The following CPLANE1 variants were observed in gnomAD, a reference collection of about 807,000 sequenced individuals.
The protein encoded by CPLANE1 is ciliogenesis and planar polarity effector 1.
A neutral mutation model predicts 362.5 loss-of-function variants in CPLANE1; 263 were observed. The observed-to-expected ratio is 0.73, with a 90% CI of 0.66 to 0.80. The LOEUF (loss-of-function observed/expected upper bound fraction) is 0.80, where lower values mean the gene tolerates loss of function less well. Ranked by LOEUF, CPLANE1 falls within the 30% of genes least tolerant of loss-of-function variation. The pLI, the probability that CPLANE1 is intolerant of heterozygous loss-of-function variation, is 0.00. For synonymous variants in CPLANE1, 1,212 were observed against 1,302.6 expected (o/e 0.93, Z 1.50); for missense variants, 3,461 against 3,793.4 (o/e 0.91, Z 2.30).
At chr5:37,139,405 G>T (rs1213896929) in intron 44 of CPLANE1, 35 bp from the exon 45 acceptor site, 47 of 1,091,056 alleles carry the variant, frequency 4.3e-5, no homozygotes, top group Admixed American at 3.2e-4. Flanking sequence ...AAAATTTTGG[G>T]TTTTTTTTTG....
At position 37,187,512 on chromosome 5, in the gene CPLANE1, C is replaced by A. The variant is rs768480018; in HGVS notation, c.3982G>T (p.Ala1328Ser). ...IEHCLSAVEW[A>S]YRMLPFSRFF... Reference sequence around the variant, plus strand: ...CGAGAGAAAGGCAGCATTCTATAAGCCCATTCCACTGCACTAAGACAGTGC... The same window carrying A: ...CGAGAGAAAGGCAGCATTCTATAAGACCATTCCACTGCACTAAGACAGTGC... Residue 1328 changes from alanine (A) to serine (S), a missense_variant, in exon 23 of 53, where the codon GCT (alanine) becomes TCT (serine). Physicochemically the swap from Ala to Ser is moderately conservative, Grantham distance 99 (BLOSUM62 1). Transcript: ENST00000651892. The A allele has an allele frequency of 2.4e-5, 38 of 1,613,556 alleles. No homozygotes were observed. In the South Asian group the frequency reaches 4.2e-4, roughly 18 times the overall value.
intron 51 of CPLANE1, 74 bp downstream of exon 51, chr5:37,114,886 G>A (rs1443546136): frequency 9.0e-6 from 8 of 885,512 alleles, no homozygotes; most frequent in Non-Finnish European, 1.4e-5. Context: ...GCAACAGAGT[G>A]AGACTCTGTC....
intron 14 of CPLANE1, among the ~76,000 whole-genome samples, chr5:37,222,255 T>C (rs994391694): frequency 1.3e-5 from 2 of 152,198 alleles, no homozygotes; most frequent in Non-Finnish European, 2.9e-5. Flanking sequence ...TTGTATGCAA[T>C]TTCCAGAAAA....
Position 37,227,704 on chromosome 5 carries a change from A to C in CPLANE1, c.1235T>G (p.Leu412Arg), listed in dbSNP as rs1295132257. 1 of 1,551,430 alleles carries C rather than the reference A, an allele frequency of 6.4e-7. No individual in the cohort carries two copies. Among genetic ancestry groups the C allele is most frequent in the Non-Finnish European group, 8.7e-7 (1 of 1,146,902 alleles). ...GACCATATATCCATCAGATATAACG[A>C]GGTAGGGTAACCGTGAGTGTGCTTT... ...SIKAHSRLPY[L>R]VISDGYMVTT... is the part of the protein sequence containing the mutation. The change falls in exon 10 of 53, where the codon CTC (leucine) becomes CGC (arginine). Residue 412 changes from leucine to arginine, a missense_variant. Leu to Arg is a moderately radical substitution (Grantham distance 102). Coordinates refer to ENST00000651892, the MANE Select transcript of CPLANE1 (RefSeq NM_001384732.1).
Position 37,198,799 on chromosome 5 carries a change from T to C in CPLANE1, c.3575A>G (p.Gln1192Arg), listed in dbSNP as rs778057793. The C allele has an allele frequency of 3.7e-6, 6 of 1,614,192 alleles. No individual in the cohort carries two copies. The highest frequency in any genetic ancestry group is 5.1e-6 in the Non-Finnish European group (6 of 1,180,032). Residue 1192 changes from glutamine (Q) to arginine (R), a missense_variant, in exon 20 of 53, where the codon CAG becomes CGG. By Grantham distance (43) the Gln-to-Arg change is conservative (BLOSUM62 1). This residue lies in a region of CPLANE1 where 3,380 missense variants were observed against 3,666.1 expected (regional missense o/e 0.92). Transcript: ENST00000651892. ...CGCCCGGAAAAGCAGGAGAACACGC[T>C]GAAGGATTCCAGATACCTTCTGGCG... is the stretch of plus-strand genomic sequence containing the variant. ...NNRQKVSGIL[Q>R]RVLLLFRAAQ...
intron 32 of CPLANE1, 25 bp from the exon 33 acceptor site, chr5:37,170,356 G>T: frequency 1.3e-6 from 2 of 1,586,080 alleles, no homozygotes; most frequent in South Asian, 2.3e-5. Flanking sequence ...AAATTGAAGC[G>T]ATATCTTAAA....
At chr5:37,194,612 C>A (rs1379347512) in intron 21 of CPLANE1, among the ~76,000 whole-genome samples, 1 of 151,362 alleles carries the variant, frequency 6.6e-6, no homozygotes, top group African/African-American at 2.4e-5. Context: ...ATCTGAGCCC[C>A]AGGACATGTA....
At chr5:37,240,767 C>A (rs907384872) in intron 6 of CPLANE1, among the ~76,000 whole-genome samples, 9 of 152,182 alleles carry the variant, frequency 5.9e-5, no homozygotes, top group African/African-American at 1.9e-4. Context: ...AAAAGAGAAC[C>A]TGCAGATTAG....
rs1789225309 is a variant in CPLANE1, at chr5:37,201,683, C to G, written c.3415G>C (p.Asp1139His). ...TFQLLIDSAK[D>H]FSKRLWGLVP... ...AAGCCCCACAGTCTTTTACTGAAGT[C>G]CTTGGCAGAGTCTATCAGAAGTTGA... Residue 1139 changes from aspartate (D) to histidine (H), a missense_variant, in exon 19 of 53, where the codon GAC (aspartate) becomes CAC (histidine). Asp to His is a moderately conservative substitution (Grantham distance 81, BLOSUM62 -1). Around this residue, in one of 2 missense-constraint regions of CPLANE1, gnomAD observed 3,380 missense variants for 3,666.1 expected, o/e 0.92. Transcript: ENST00000651892. 3.1e-6 allele frequency: 5 copies of G among 1,614,012 alleles called. No homozygotes were observed. In the Admixed American group the frequency reaches 8.3e-5, roughly 27 times the overall value.
intron 35 of CPLANE1, among the ~76,000 whole-genome samples, chr5:37,166,529 T>A (rs1006424642): frequency 3.9e-5 from 6 of 152,224 alleles, no homozygotes; most frequent in Non-Finnish European, 7.3e-5. Context: ...TTATAACTTG[T>A]ATTACAATAT....
At chr5:37,135,782 G>C (rs1004789624) in intron 46 of CPLANE1, among the ~76,000 whole-genome samples, 5 of 151,680 alleles carry the variant, frequency 3.3e-5, no homozygotes, top group African/African-American at 1.2e-4. Flanking sequence ...AGTGAGCTGA[G>C]ATCACACCAT....
intron 26 of CPLANE1, among the ~76,000 whole-genome samples, chr5:37,182,077 G>A (rs1782805910): frequency 6.6e-6 from 1 of 152,004 alleles, no homozygotes; most frequent in Non-Finnish European, 1.5e-5. Context: ...GGGTGACAGA[G>A]TGAGACTCCA....
In CPLANE1 at chr5:37,186,325, G is replaced by A. The variant is rs376548658; in HGVS notation, c.4150C>T (p.His1384Tyr). ...TGTCTGAGTCTCTGGTGAAGAGAGTGATATTTGTCTCTTAAAGGAACCCTC... is the reference window on the plus strand; with the variant it reads ...TGTCTGAGTCTCTGGTGAAGAGAGTAATATTTGTCTCTTAAAGGAACCCTC... ...DVRVPLRDKY[H>Y]SLHQRLRHCV... is the part of the protein sequence containing the mutation. Residue 1384 changes from histidine (H) to tyrosine (Y), a missense_variant, in exon 24 of 53, where the codon CAC becomes TAC. By Grantham distance (83) the His-to-Tyr change is moderately conservative. This residue lies in a region of CPLANE1 where 3,380 missense variants were observed against 3,666.1 expected (regional missense o/e 0.92). Transcript: ENST00000651892. 1.9e-6 allele frequency: 3 copies of A among 1,600,480 alleles called. No homozygotes were observed. Among genetic ancestry groups the A allele is most frequent in the African/African-American group, 2.7e-5 (2 of 74,656 alleles).
intron 14 of CPLANE1, among the ~76,000 whole-genome samples, chr5:37,222,650 T>C (rs1327582609): frequency 6.6e-6 from 1 of 152,202 alleles, no homozygotes; most frequent in East Asian, 1.9e-4. Flanking sequence ...TACAAAAACT[T>C]TTCTATACCC....
chr5:37,172,460 T>C (rs73750946), intron 32 of CPLANE1, among the ~76,000 whole-genome samples: 5,222 of 152,248 alleles, frequency 0.034, 318 homozygotes, highest in African/African-American at 0.12. Flanking sequence ...CAGAATTATC[T>C]GGATAATGTG....
chr5:37,141,087 C>T, intron 44 of CPLANE1: 1 of 985,394 alleles, frequency 1.0e-6, no homozygotes, highest in East Asian at 1.1e-4. Flanking sequence ...GTTACTAATT[C>T]AAAATGTCTC....
intron 39 of CPLANE1, 64 bp from the exon 40 acceptor site, chr5:37,157,932 CAAAAAAA>C: frequency 1.4e-3 from 92 of 67,286 alleles, no homozygotes; most frequent in East Asian, 2.9e-3. Flanking sequence ...GTCACTCCGC[CAAAAAAA>C]AAAAAAAAAA....
intron 51 of CPLANE1, among the ~76,000 whole-genome samples, chr5:37,111,344 T>G: frequency 6.6e-6 from 1 of 151,650 alleles, no homozygotes; most frequent in Non-Finnish European, 1.5e-5. Context: ...CAGGATGGTC[T>G]TGATCTCCTG....
In CPLANE1 at chr5:37,153,896, T is replaced by G; in HGVS notation, c.8217A>C (p.Ala2739=). 1.2e-6 allele frequency: 2 copies of G among 1,614,148 alleles called. No homozygotes were observed. The highest frequency in any genetic ancestry group is 1.7e-6 in the Non-Finnish European group (2 of 1,180,024). ...LLWKRLQGVS[A]ACPAPSSAAH... is the part of the protein sequence containing the mutation. ...CTGCAGAGCTTGGTGCAGGGCAAGC[T>G]GCAGAGACACCTTGCAGCCGTTTCC... The change falls in exon 42 of 53, where the codon GCA becomes GCC. Residue 2739 remains alanine (A), a synonymous_variant. Coordinates refer to ENST00000651892, the MANE Select transcript of CPLANE1 (RefSeq NM_001384732.1).
Sources: gnomAD v4.1 joint callset for allele counts (sites outside exome capture counted in the v4.1 genomes callset) on GRCh38, gnomAD v4.1.1 for gene constraint, gnomAD v4.1.1 regional missense constraint, MANE v1.5 for transcripts, NCBI Gene and HGNC (gene_info 2026-07-23, HGNC 2026-07-21) for gene names.